The following COL22A1 variants were observed in gnomAD, a reference collection of about 807,000 sequenced individuals.
COL22A1 encodes collagen alpha-1(XXII) chain.
Under a neutral mutation model 248.9 loss-of-function variants are expected in COL22A1, and 221 were observed. That is an observed-to-expected ratio of 0.89 (90% CI 0.80 to 0.99). The LOEUF (loss-of-function observed/expected upper bound fraction) is 0.99. Among genes scored for constraint, COL22A1 ranks in the 50% least tolerant of loss-of-function variants. The probability of loss-of-function intolerance (pLI) is 0.00; values close to 1 mark genes in which losing one functional copy is unlikely to be tolerated. For missense variants in COL22A1, 2,240 were observed against 2,179.0 expected (o/e 1.03, Z -0.56); for synonymous variants, 891 against 793.4 (o/e 1.12, Z -2.07).
intron 50 of COL22A1, among the ~76,000 whole-genome samples, chr8:138,626,904 C>T (rs995001125): frequency 6.6e-6 from 1 of 152,040 alleles, no homozygotes; most frequent in African/African-American, 2.4e-5. Flanking sequence ...ATAATCAGTG[C>T]CCTAATTCCT....
intron 1 of COL22A1, among the ~76,000 whole-genome samples, chr8:138,897,703 AT>A (rs1279675402): frequency 2.6e-5 from 4 of 152,086 alleles, no homozygotes; most frequent in Admixed American, 6.6e-5. Flanking sequence ...GAAGAAATTG[AT>A]GAATGATTTC....
At chr8:138,705,536 T>A (rs1324692349) in intron 30 of COL22A1, among the ~76,000 whole-genome samples, 1 of 152,178 alleles carries the variant, frequency 6.6e-6, no homozygotes, top group Non-Finnish European at 1.5e-5. Context: ...AAACTAAGCT[T>A]CATAAGTGAA....
In COL22A1 at chr8:138,832,942, C is replaced by A. The variant is rs750263695; in HGVS notation, c.845+97G>T. The A allele has an allele frequency of 6.2e-5, 48 of 777,346 alleles. 2 individuals are homozygous for A. The highest frequency in any genetic ancestry group is 3.3e-4 in the South Asian group (21 of 62,752). The allele number at this position is 777,346 out of a possible 1,614,324, so 48.2% of individuals were successfully genotyped here. A position where few individuals can be genotyped will look rare whatever the true frequency, so the allele number is the denominator to read the frequency against. ...TACAAGGCACTGAGAAGGTTAAAGCCCGGCTCGGTGCCAAGTATGAAACAG... is the reference window on the plus strand; with the variant it reads ...TACAAGGCACTGAGAAGGTTAAAGCACGGCTCGGTGCCAAGTATGAAACAG... On this transcript the variant is annotated intron_variant, in intron 5 of 64. Coordinates refer to ENST00000303045, the MANE Select transcript of COL22A1 (RefSeq NM_152888.3).
intron 9 of COL22A1, 131 bp from the exon 10 acceptor site, chr8:138,807,943 T>G (rs1817867997): frequency 3.6e-6 from 3 of 829,910 alleles, no homozygotes; most frequent in Admixed American, 2.3e-5. Context: ...ACCAATGAGT[T>G]GGGCAAGGAA....
intron 3 of COL22A1, among the ~76,000 whole-genome samples, chr8:138,851,105 G>A (rs1435010664): frequency 1.3e-5 from 2 of 152,202 alleles, no homozygotes; most frequent in Non-Finnish European, 1.5e-5. Flanking sequence ...CAGCCATGGT[G>A]TGCAGGCTGT....
At chr8:138,852,055 G>C (rs954763624) in intron 3 of COL22A1, among the ~76,000 whole-genome samples, 1 of 152,094 alleles carries the variant, frequency 6.6e-6, no homozygotes, top group Non-Finnish European at 1.5e-5. Flanking sequence ...AGGAATTGGG[G>C]GAGTGATGCA....
rs781537398 is a variant in COL22A1, at chr8:138,755,167, G to A, written c.2021C>T (p.Pro674Leu). 3.8e-5 allele frequency: 62 copies of A among 1,613,960 alleles called. No individual in the cohort carries two copies. The highest frequency in any genetic ancestry group is 6.8e-6 in the Non-Finnish European group (8 of 1,179,960). ...PRGHQGAPGPPGARGPIGPEG... is the reference protein window; with the variant it reads ...PRGHQGAPGPLGARGPIGPEG... Reference sequence around the variant, plus strand: ...AGAGGGACAACTTACCCGAGCTCCTGGAGGACCGGGGGCGCCTTGGTGACC... The same window carrying A: ...AGAGGGACAACTTACCCGAGCTCCTAGAGGACCGGGGGCGCCTTGGTGACC... The change falls in exon 21 of 65, where the codon CCA (proline) becomes CTA (leucine). Residue 674 changes from proline to leucine, a missense_variant. Transcript: ENST00000303045.
intron 49 of COL22A1, among the ~76,000 whole-genome samples, chr8:138,631,534 G>T (rs921132976): frequency 6.6e-6 from 1 of 152,182 alleles, no homozygotes; most frequent in Non-Finnish European, 1.5e-5. Flanking sequence ...GAAGGCAATT[G>T]CTGTGTCAAC....
At chr8:138,865,957 CTGTG>C (rs111714117) in intron 3 of COL22A1, among the ~76,000 whole-genome samples, 12 of 150,624 alleles carry the variant, frequency 8.0e-5, no homozygotes, top group South Asian at 2.1e-4. Flanking sequence ...GTTTGTATGC[CTGTG>C]TGTGAGTATA....
intron 31 of COL22A1, among the ~76,000 whole-genome samples, chr8:138,700,883 G>A (rs1827904714): frequency 6.6e-6 from 1 of 151,404 alleles, no homozygotes; most frequent in African/African-American, 2.4e-5. Context: ...TACTCGGGAG[G>A]CTGAGGCAGG....
At chr8:138,610,881 T>C (rs1325550584) in intron 56 of COL22A1, among the ~76,000 whole-genome samples, 1 of 152,170 alleles carries the variant, frequency 6.6e-6, no homozygotes, top group Non-Finnish European at 1.5e-5. Flanking sequence ...TTGGACAACA[T>C]AGTGAGACCT....
At chr8:138,712,787 A>G (rs1829099481) in intron 30 of COL22A1, among the ~76,000 whole-genome samples, 2 of 152,144 alleles carry the variant, frequency 1.3e-5, no homozygotes, top group Non-Finnish European at 2.9e-5. Context: ...ATGTTCTATC[A>G]GTAGAGGGTA....
At chr8:138,676,458 G>GAAAGAAAGGAAGGAAGA in intron 41 of COL22A1, 100 bp downstream of exon 41, 2 of 154,546 alleles carry the variant, frequency 1.3e-5, no homozygotes, top group East Asian at 1.3e-4. Flanking sequence ...AGAAAGAAAG[G>GAAAGAAAGGAAGGAAGA]AAGAAAGAAA....
At chr8:138,884,953 A>C (rs145701564) in intron 1 of COL22A1, among the ~76,000 whole-genome samples, 178 of 152,352 alleles carry the variant, frequency 1.2e-3, no homozygotes, top group African/African-American at 3.3e-3. Context: ...GATGACAAGC[A>C]CAGGCAAATC....
intron 64 of COL22A1, 118 bp downstream of exon 64, chr8:138,591,306 C>T: frequency 2.0e-6 from 1 of 509,110 alleles, no homozygotes; most frequent in Non-Finnish European, 3.3e-6. Flanking sequence ...TCCTCCTCAT[C>T]TGTAGAGCCT....
At chr8:138,878,391 C>T (rs960317703) in intron 2 of COL22A1, 75 bp from the exon 3 acceptor site, 1 of 1,247,036 alleles carries the variant, frequency 8.0e-7, no homozygotes, top group African/African-American at 1.5e-5. Flanking sequence ...ATACAGGTCA[C>T]TGGGGTCACA....
chr8:138,813,687 G>A (rs563278818), intron 7 of COL22A1, among the ~76,000 whole-genome samples: 3 of 150,026 alleles, frequency 2.0e-5, no homozygotes, highest in Admixed American at 6.6e-5. Context: ...AAAGTCCAGC[G>A]TTTCGTTCTA....
At chr8:138,601,682 G>C (rs760338025) in intron 60 of COL22A1, among the ~76,000 whole-genome samples, 14 of 152,156 alleles carry the variant, frequency 9.2e-5, no homozygotes, top group Non-Finnish European at 1.3e-4. Flanking sequence ...ATAACGCCAA[G>C]GCAATTCATT....
At position 138,602,115 on chromosome 8, in the gene COL22A1, C is replaced by T. The variant is rs781130950; in HGVS notation, c.4185G>A (p.Arg1395=). Residue 1395 remains arginine, a splice_region_variant and synonymous_variant, in exon 60 of 65, where the codon AGG becomes AGA. Transcript: ENST00000303045. The part of the protein sequence containing the change: ...KPGEPGFKGE[R]GDPGIKGDKG... ...CAAGGTGCCTGTGCTCTCCACTCACCCTTTCTCCTTTGAATCCAGGCTCTC... is the reference window on the plus strand; with the variant it reads ...CAAGGTGCCTGTGCTCTCCACTCACTCTTTCTCCTTTGAATCCAGGCTCTC... 5.0e-6 allele frequency: 8 copies of T among 1,614,012 alleles called. No homozygotes were observed. The Admixed American group carries it at 1.2e-4, about 24-fold the overall frequency.
Sources: gnomAD v4.1 joint callset for allele counts (sites outside exome capture counted in the v4.1 genomes callset) on GRCh38, gnomAD v4.1.1 for gene constraint, MANE v1.5 for transcripts, NCBI Gene and HGNC (gene_info 2026-07-23, HGNC 2026-07-21) for gene names.